DNA2: variants seen among roughly 807,000 people sequenced by gnomAD.
DNA2 encodes DNA replication helicase/nuclease 2, also known as DNA replication ATP-dependent helicase/nuclease DNA2.
A neutral mutation model predicts 119.1 loss-of-function variants in DNA2; 101 were observed. That is an observed-to-expected ratio of 0.85 (90% CI 0.72 to 1.00). The LOEUF is 1.00. Among genes scored for constraint, DNA2 ranks in the 50% least tolerant of loss-of-function variants. The pLI, the probability that DNA2 is intolerant of heterozygous loss-of-function variation, is 0.00. For missense variants in DNA2, 1,121 were observed against 1,255.5 expected (o/e 0.89, Z 1.62); for synonymous variants, 366 against 424.4 (o/e 0.86, Z 1.69).
chr10:68,462,646 G>T (rs1399787741), intron 4 of DNA2, among the ~76,000 whole-genome samples: 1 of 152,096 alleles, frequency 6.6e-6, no homozygotes, highest in Admixed American at 6.6e-5. Context: ...GGGCTTATCA[G>T]TTTGTATATA....
At chr10:68,437,402 G>C (rs1427544179) in intron 9 of DNA2, among the ~76,000 whole-genome samples, 161 bp from the exon 10 acceptor site, 1 of 151,928 alleles carries the variant, frequency 6.6e-6, no homozygotes, top group East Asian at 1.9e-4. Flanking sequence ...CCAGGAGGCC[G>C]AGGCGGGTGG....
chr10:68,439,793 G>A (rs2051942243), intron 9 of DNA2, among the ~76,000 whole-genome samples: 1 of 150,956 alleles, frequency 6.6e-6, no homozygotes, highest in Admixed American at 6.6e-5. Context: ...AGCCAAGATT[G>A]TGCCATTGCA....
chr10:68,445,021 T>C lies in DNA2; in HGVS notation c.1120A>G (p.Thr374Ala). The change falls in exon 8 of 21, where the codon ACT (threonine) becomes GCT (alanine). Residue 374 changes from threonine to alanine, a missense_variant. Thr to Ala is a moderately conservative substitution (Grantham distance 58). Coordinates refer to ENST00000358410, the MANE Select transcript of DNA2 (RefSeq NM_001080449.3). Reference protein sequence around the residue: ...SLFHRISKSATRQKTQLASLP... With the variant: ...SLFHRISKSAARQKTQLASLP... The stretch of plus-strand genomic sequence containing the variant: ...GAAGCAAGCTGTGTCTTCTGTCTAG[T>C]AGCAGATTTGCTAATACGGTGAAAC... The C allele has an allele frequency of 6.2e-7, 1 of 1,613,400 alleles. No individual in the cohort carries two copies. The highest frequency in any genetic ancestry group is 8.5e-7 in the Non-Finnish European group (1 of 1,179,494).
At chr10:68,449,887 T>G (rs891124401) in intron 6 of DNA2, 141 bp downstream of exon 6, 9 of 622,474 alleles carry the variant, frequency 1.4e-5, no homozygotes, top group African/African-American at 1.3e-4. Flanking sequence ...CACTCCAGCC[T>G]GGCATGAACC....
intron 7 of DNA2, 39 bp downstream of exon 7, chr10:68,446,257 G>A (rs763044846): frequency 2.9e-5 from 32 of 1,105,652 alleles, no homozygotes; most frequent in Non-Finnish European, 4.0e-5. Flanking sequence ...AAGTGGGGGG[G>A]TGGGCAAAGA....
In DNA2 at chr10:68,414,863, G is replaced by A. The variant is rs1211766806; in HGVS notation, c.*176C>T. On this transcript the variant is annotated 3_prime_UTR_variant, in exon 21 of 21. Transcript: ENST00000358410. The stretch of plus-strand genomic sequence containing the variant: ...AAAATTTATCAAACTCTTTCTCTAG[G>A]TTAGGCAAAAATGCATGCATAGAAC... 1 of 423,592 alleles carries A rather than the reference G, an allele frequency of 2.4e-6. No homozygotes were observed. 26.2% of individuals were successfully genotyped at this position (423,592 alleles called of 1,614,324 possible).
At chr10:68,455,234 G>A (rs909708937) in intron 5 of DNA2, among the ~76,000 whole-genome samples, 2 of 151,976 alleles carry the variant, frequency 1.3e-5, no homozygotes, top group African/African-American at 2.4e-5. Context: ...CATCACGCCA[G>A]GCCGATAAAA....
At chr10:68,436,924 C>G (rs1160761615) in intron 10 of DNA2, 87 bp downstream of exon 10, 11 of 1,079,400 alleles carry the variant, frequency 1.0e-5, no homozygotes, top group Non-Finnish European at 1.5e-5. Context: ...TAAAAACCAG[C>G]GAATTGTACA....
rs1226287157 is a variant in DNA2 at position 68,419,191 on chromosome 10, A to G, written c.2810T>C (p.Ile937Thr). Reference sequence around the variant, plus strand: ...CTGCCTGTACGGTGCAATAATACCAATATCAGAGGGACTGCATCCAGCCTA... The same window carrying G: ...CTGCCTGTACGGTGCAATAATACCAGTATCAGAGGGACTGCATCCAGCCTA... ...FVKAGCSPSD[I>T]GIIAPYRQQL... The change falls in exon 19 of 21, where the codon ATT (isoleucine) becomes ACT (threonine). Residue 937 changes from isoleucine (I) to threonine (T), a missense_variant. Coordinates refer to ENST00000358410, the MANE Select transcript of DNA2 (RefSeq NM_001080449.3). The G allele has an allele frequency of 1.2e-6, 2 of 1,600,264 alleles. No individual in the cohort carries two copies. The highest frequency in any genetic ancestry group is 1.1e-5 in the South Asian group (1 of 88,162).
intron 14 of DNA2, 57 bp from the exon 15 acceptor site, chr10:68,422,947 TTC>T: frequency 7.7e-7 from 1 of 1,305,174 alleles, no homozygotes; most frequent in Non-Finnish European, 1.0e-6. Flanking sequence ...GTAGTTTTGT[TTC>T]TCTCATTTTT....
At chr10:68,424,430 G>C in intron 14 of DNA2, 1 of 505,962 alleles carries the variant, frequency 2.0e-6, no homozygotes, top group Non-Finnish European at 3.6e-6. Flanking sequence ...CTTGAGCCAA[G>C]GAGGTCGAGG....
chr10:68,460,018 C>T (rs1590072728), intron 4 of DNA2, among the ~76,000 whole-genome samples: 1 of 133,490 alleles, frequency 7.5e-6, no homozygotes, highest in Non-Finnish European at 1.6e-5. Context: ...GAGAGCAAGA[C>T]TCCATCACAA....
chr10:68,435,261 C>A (rs2051872751), intron 10 of DNA2, among the ~76,000 whole-genome samples: 1 of 151,908 alleles, frequency 6.6e-6, no homozygotes, highest in South Asian at 2.1e-4. Context: ...GTTGCCCAGG[C>A]TGGTCTCAAA....
intron 6 of DNA2, among the ~76,000 whole-genome samples, chr10:68,447,059 CTATGT>C (rs1431613695): frequency 2.0e-5 from 3 of 152,038 alleles, no homozygotes; most frequent in Admixed American, 6.6e-5. Context: ...ACCGCATTTA[CTATGT>C]TATGATTATT....
Position 68,470,011 on chromosome 10 carries a change from T to G in DNA2, c.227A>C (p.Asn76Thr). The G allele has an allele frequency of 6.2e-7, 1 of 1,609,936 alleles. No homozygotes were observed. The highest frequency in any genetic ancestry group is 1.7e-4 in the Middle Eastern group (1 of 6,028). ...LVITASQSLE[N>T]KELCILRNDW... ...ATTCCTAAGGATGCATAGTTCTTTA[T>G]TTTCTAGTGACTGTGAAGCAGTGAT... The change falls in exon 2 of 21, where the codon AAT becomes ACT. Residue 76 changes from asparagine to threonine, a missense_variant. Physicochemically the swap from Asn to Thr is moderately conservative, Grantham distance 65. Transcript: ENST00000358410.
chr10:68,469,007 G>A (rs2052356800), intron 2 of DNA2, among the ~76,000 whole-genome samples: 1 of 152,028 alleles, frequency 6.6e-6, no homozygotes, highest in South Asian at 2.1e-4. Flanking sequence ...CCGCGATCAC[G>A]CCATTGCACT....
intron 9 of DNA2, among the ~76,000 whole-genome samples, chr10:68,438,505 G>C (rs1184802111): frequency 7.1e-6 from 1 of 141,158 alleles, no homozygotes; most frequent in Non-Finnish European, 1.5e-5. Flanking sequence ...GGCAACAAGA[G>C]TGAAACTCCG....
chr10:68,437,964 A>G (rs2051914356), intron 9 of DNA2, among the ~76,000 whole-genome samples: 1 of 152,038 alleles, frequency 6.6e-6, no homozygotes, highest in South Asian at 2.1e-4. Context: ...CACTGGCCTC[A>G]GCCTCCCAAA....
chr10:68,436,534 G>A (rs1028792385), intron 10 of DNA2, among the ~76,000 whole-genome samples: 2 of 152,028 alleles, frequency 1.3e-5, no homozygotes, highest in East Asian at 3.9e-4. Context: ...TATACTAAAC[G>A]CCACTCAATT....
Sources: gnomAD v4.1 joint callset for allele counts (sites outside exome capture counted in the v4.1 genomes callset) on GRCh38, gnomAD v4.1.1 for gene constraint, MANE v1.5 for transcripts, NCBI Gene and HGNC (gene_info 2026-07-23, HGNC 2026-07-21) for gene names.